MICALL2: variants seen among roughly 807,000 people sequenced by gnomAD.
MICALL2 encodes the protein MICAL-like protein 2.
Under a neutral mutation model 91.1 loss-of-function variants are expected in MICALL2, and 111 were observed. The ratio of observed to expected loss-of-function variants is 1.22; its 90% CI spans 1.04 to 1.43. The LOEUF is 1.43. Ranked by LOEUF, MICALL2 falls within the 40% of genes most tolerant of loss-of-function variation. The pLI is 0.00. For missense variants in MICALL2, 1,556 were observed against 1,236.0 expected, an observed-to-expected ratio of 1.26 and a Z score of -3.88; for synonymous variants, 694 against 525.3, an observed-to-expected ratio of 1.32 and a Z score of -4.39.
intron 6 of MICALL2, among the ~76,000 whole-genome samples, chr7:1,443,439 C>T (rs1045427004): frequency 1.3e-5 from 2 of 152,146 alleles, no homozygotes; most frequent in East Asian, 1.9e-4. Flanking sequence ...AGCCAGGCTG[C>T]GACAAGCATT....
rs1425130802 is a variant in MICALL2, at chr7:1,444,316, C to A, written c.1418+336G>T. 3.9e-5 allele frequency among the ~76,000 whole-genome samples: 6 copies of A among 152,038 alleles called. No homozygotes were observed. The East Asian group carries it at 1.2e-3, about 29-fold the overall frequency. ...AGCGTGGGTCCCGCTCGCGACCTGTCCCCGCGTCCATGAAATGGGCGTAGG... is the reference window on the plus strand; with the variant it reads ...AGCGTGGGTCCCGCTCGCGACCTGTACCCGCGTCCATGAAATGGGCGTAGG... On this transcript the variant is annotated intron_variant, in intron 6 of 16. Transcript: ENST00000297508.
chr7:1,435,136 T>TC lies in MICALL2; in HGVS notation c.2602dup (p.Glu868GlyfsTer10). On this transcript the variant is annotated frameshift_variant, in exon 16 of 17. Coordinates refer to ENST00000297508, the MANE Select transcript of MICALL2 (RefSeq NM_182924.4). LOFTEE classifies it high-confidence loss of function. Reference sequence around the variant, plus strand: ...AATCATGTCCCGCAGCATCTGATCCTCCTCTTGTTCCCTGAAACGGGACCA... The same window carrying TC: ...AATCATGTCCCGCAGCATCTGATCCTCCCTCTTGTTCCCTGAAACGGGACCA... The TC allele has an allele frequency of 5.0e-6, 8 of 1,613,298 alleles. No individual in the cohort carries two copies. Among genetic ancestry groups the TC allele is most frequent in the Non-Finnish European group, 6.8e-6 (8 of 1,179,932 alleles).
At chr7:1,439,268 G>A (rs908210477) in intron 9 of MICALL2, 25 of 475,304 alleles carry the variant, frequency 5.3e-5, no homozygotes, top group Middle Eastern at 5.5e-4. Flanking sequence ...GGGCAGCTAT[G>A]AGTGCTAGGA....
At chr7:1,455,824 G>A (rs1409383164) in intron 1 of MICALL2, among the ~76,000 whole-genome samples, 1 of 151,962 alleles carries the variant, frequency 6.6e-6, no homozygotes, top group African/African-American at 2.4e-5. Flanking sequence ...CTACAGACAG[G>A]GAGACAGGAC....
intron 16 of MICALL2, 61 bp downstream of exon 16, chr7:1,435,040 C>T: frequency 6.4e-7 from 1 of 1,564,732 alleles, no homozygotes; most frequent in Non-Finnish European, 8.7e-7. Context: ...CAGCCCAGCA[C>T]TCAGCATCCC....
At position 1,448,643 on chromosome 7, in the gene MICALL2, T is replaced by C. The variant is rs745684936; in HGVS notation, c.311A>G (p.Asn104Ser). 4.3e-6 allele frequency: 7 copies of C among 1,612,416 alleles called. No individual in the cohort carries two copies. The highest frequency in any genetic ancestry group is 4.5e-5 in the East Asian group (2 of 44,852). Residue 104 changes from asparagine (N) to serine (S), a missense_variant, in exon 3 of 17, where the codon AAC becomes AGC. Coordinates refer to ENST00000297508, the MANE Select transcript of MICALL2 (RefSeq NM_182924.4). ...ACTGGGGGAGCGGCCGTGGAAGTAG[T>C]TGTAATACTGGGACACGTAGGTCAA... ...SILTYVSQYY[N>S]YFHGRSPIGG...
chr7:1,443,215 G>C (rs1311767324), intron 6 of MICALL2, among the ~76,000 whole-genome samples: 9 of 145,248 alleles, frequency 6.2e-5, no homozygotes, highest in African/African-American at 2.3e-4. Flanking sequence ...CACCTAGGAA[G>C]CACTCCCTGG....
intron 1 of MICALL2, among the ~76,000 whole-genome samples, chr7:1,458,512 G>A (rs530873616): frequency 9.2e-5 from 14 of 152,370 alleles, no homozygotes; most frequent in African/African-American, 3.4e-4. Context: ...AATGGAGCAG[G>A]TCCAGGCTCG....
chr7:1,435,715 G>A (rs763394377), intron 15 of MICALL2, among the ~76,000 whole-genome samples: 35 of 152,348 alleles, frequency 2.3e-4, no homozygotes, highest in Admixed American at 6.5e-4. Context: ...CACACAGTCC[G>A]TGCAGGAGCC....
chr7:1,439,606 A>G (rs972858433), intron 9 of MICALL2: 8 of 298,122 alleles, frequency 2.7e-5, no homozygotes, highest in East Asian at 2.3e-4. Flanking sequence ...CACATGCATC[A>G]CACATCACAT....
chr7:1,445,466 C>T (rs370546679), intron 5 of MICALL2, 38 bp from the exon 6 acceptor site: 31 of 1,449,588 alleles, frequency 2.1e-5, no homozygotes, highest in Middle Eastern at 2.5e-4. Flanking sequence ...AGCTCGGCAC[C>T]GCCCACCCCG....
chr7:1,447,161 G>C (rs1780636338), intron 4 of MICALL2, among the ~76,000 whole-genome samples: 1 of 152,172 alleles, frequency 6.6e-6, no homozygotes, highest in African/African-American at 2.4e-5. Flanking sequence ...TGGCAGTCCA[G>C]GCATAGCAGG....
chr7:1,458,912 G>A (rs1176928809), intron 1 of MICALL2, among the ~76,000 whole-genome samples: 3 of 152,228 alleles, frequency 2.0e-5, no homozygotes, highest in Non-Finnish European at 2.9e-5. Flanking sequence ...CACAGAGGGG[G>A]ACTGGACTGA....
At chr7:1,448,947 G>T (rs962085399) in intron 2 of MICALL2, among the ~76,000 whole-genome samples, 186 bp from the exon 3 acceptor site, 3 of 152,230 alleles carry the variant, frequency 2.0e-5, no homozygotes, top group African/African-American at 7.2e-5. Context: ...CGGGGATCAC[G>T]GTCCCATCTG....
intron 6 of MICALL2, among the ~76,000 whole-genome samples, chr7:1,444,087 C>CGTAGGACCCTTGGGT (rs1780441340): frequency 1.8e-5 from 1 of 55,522 alleles, no homozygotes; most frequent in African/African-American, 7.9e-5. Context: ...CCCGCGTCCA[C>CGTAGGACCCTTGGGT]TCAGACCCGC....
In MICALL2 at chr7:1,459,398, G is replaced by T. The variant is rs892967117; in HGVS notation, c.-72C>A. 2 of 1,350,008 alleles carry T rather than the reference G, an allele frequency of 1.5e-6. No individual in the cohort carries two copies. The highest frequency in any genetic ancestry group is 9.5e-7 in the Non-Finnish European group (1 of 1,047,146). The allele number at this position is 1,350,008 out of a possible 1,614,324, so 83.6% of individuals were successfully genotyped here. ...CCCGCGGCTGTGCCGCGACCGCCCG[G>T]CCGGCGGGACAGACGCTGGGACCGC... On this transcript the variant is annotated 5_prime_UTR_variant, in exon 1 of 17. Transcript: ENST00000297508.
intron 9 of MICALL2, chr7:1,439,513 AC>A (rs756973633): frequency 2.5e-5 from 5 of 197,114 alleles, no homozygotes; most frequent in Admixed American, 1.2e-4. Context: ...CACATGCATC[AC>A]ATACACGAAC....
At chr7:1,440,937 G>C (rs542346557) in intron 7 of MICALL2, 1 of 501,392 alleles carries the variant, frequency 2.0e-6, no homozygotes, top group Non-Finnish European at 3.7e-6. Flanking sequence ...CCCTTCTGCC[G>C]AATGGGTGGG....
At chr7:1,456,449 G>A (rs1163676175) in intron 1 of MICALL2, among the ~76,000 whole-genome samples, 1 of 152,082 alleles carries the variant, frequency 6.6e-6, no homozygotes, top group Non-Finnish European at 1.5e-5. Flanking sequence ...GGCTGGGTGT[G>A]GGGGTGCACC....
Sources: allele counts gnomAD v4.1 joint callset (sites outside exome capture counted in the v4.1 genomes callset), GRCh38; gene constraint gnomAD v4.1.1; transcripts MANE v1.5; gene names NCBI Gene and HGNC (gene_info 2026-07-23, HGNC 2026-07-21).